Variants in C3 observed in about 807,000 individuals in gnomAD.
The protein encoded by C3 is C3 and PZP-like alpha-2-macroglobulin domain-containing protein 1.
C3 carries 97 observed loss-of-function variants against 207.9 expected under a neutral mutation model. The observed-to-expected ratio is 0.47, with a 90% CI of 0.40 to 0.55. The LOEUF (loss-of-function observed/expected upper bound fraction) is 0.55, where lower values mean the gene tolerates loss of function less well. Among genes scored for constraint, C3 ranks in the 20% least tolerant of loss-of-function variants. The pLI is 0.00. For missense variants in C3, 1,684 were observed against 2,171.7 expected (o/e 0.78, Z 4.46); for synonymous variants, 848 against 857.6 (o/e 0.99, Z 0.20).
chr19:6,680,056 G>A, intron 36 of C3, 102 bp downstream of exon 36: 1 of 770,646 alleles, frequency 1.3e-6, no homozygotes, highest in Non-Finnish European at 2.4e-6. Context: ...CAAATCCCTG[G>A]ACTCCTTAGA....
At position 6,716,113 on chromosome 19, in the gene C3, T is replaced by C. The variant is rs766301882; in HGVS notation, c.505-1667A>G. ...AATTTTTACATTTTTTTTGTAGAGA[T>C]GTAGTCTCCCTAGCTTTCCCAGGCT... On this transcript the variant is annotated intron_variant, in intron 4 of 40. Coordinates refer to ENST00000245907, the MANE Select transcript of C3 (RefSeq NM_000064.4). Among the ~76,000 whole-genome samples the C allele has an allele frequency of 2.0e-5, 3 of 152,306 alleles. No homozygotes were observed. In the South Asian group the frequency reaches 6.2e-4, roughly 32 times the overall value.
In C3 at chr19:6,720,602, G is replaced by C. The variant is rs1968141809; in HGVS notation, c.-13C>G. 1 of 1,567,634 alleles carries C rather than the reference G, an allele frequency of 6.4e-7. No individual in the cohort carries two copies. The highest frequency in any genetic ancestry group is 8.7e-7 in the Non-Finnish European group (1 of 1,154,164). On this transcript the variant is annotated 5_prime_UTR_variant, in exon 1 of 41. Coordinates refer to ENST00000245907, the MANE Select transcript of C3 (RefSeq NM_000064.4). ...AGGTGGGTCCCATGGTGCTGGGACAGTGCAGGGTCAGAGGGACAGAGGGAC... is the reference window on the plus strand; with the variant it reads ...AGGTGGGTCCCATGGTGCTGGGACACTGCAGGGTCAGAGGGACAGAGGGAC...
chr19:6,683,654 T>C (rs952019418), intron 33 of C3, among the ~76,000 whole-genome samples: 2 of 152,104 alleles, frequency 1.3e-5, no homozygotes, highest in African/African-American at 4.8e-5. Flanking sequence ...TGTTTCACCG[T>C]GTTAGCCAGG....
intron 38 of C3, 21 bp from the exon 39 acceptor site, chr19:6,678,476 G>A (rs762196772): frequency 6.2e-7 from 1 of 1,609,858 alleles, no homozygotes; most frequent in Non-Finnish European, 8.5e-7. Context: ...GAGGCAGACA[G>A]TTTGGGTGGT....
At chr19:6,686,020 G>T in intron 29 of C3, 104 bp downstream of exon 29, 1 of 1,156,948 alleles carries the variant, frequency 8.6e-7, no homozygotes, top group Non-Finnish European at 1.3e-6. Flanking sequence ...TGGCTCGTGG[G>T]AATGAAGAAC....
Position 6,684,973 on chromosome 19 carries a change from G to A in C3, c.3969+15C>T, listed in dbSNP as rs757611743. On this transcript the variant is annotated intron_variant, in intron 30 of 40. Transcript: ENST00000245907. ...AGACAGCCAGAGTGAGGAGGGCTTGGCTGGGTGACTGTACCTCTTCTGATC... is the reference window on the plus strand; with the variant it reads ...AGACAGCCAGAGTGAGGAGGGCTTGACTGGGTGACTGTACCTCTTCTGATC... 2 of 1,613,386 alleles carry A rather than the reference G, an allele frequency of 1.2e-6. No homozygotes were observed. Among genetic ancestry groups the A allele is most frequent in the South Asian group, 2.2e-5 (2 of 91,052 alleles).
intron 20 of C3, 32 bp downstream of exon 20, chr19:6,697,620 C>A: frequency 6.2e-7 from 1 of 1,613,990 alleles, no homozygotes; most frequent in Non-Finnish European, 8.5e-7. Flanking sequence ...CCCTGGCAGC[C>A]TCCAAGAAGC....
At chr19:6,700,492 TG>T (rs371846542) in intron 19 of C3, among the ~76,000 whole-genome samples, 2 of 33,076 alleles carry the variant, frequency 6.0e-5, no homozygotes, top group Non-Finnish European at 4.2e-5. Context: ...ATATGTAATA[TG>T]ATATATTATA....
chr19:6,677,864 G>T lies in C3; in HGVS notation c.*18C>A. On this transcript the variant is annotated 3_prime_UTR_variant, in exon 41 of 41. Transcript: ENST00000245907. ...ATATAACTGAAGCTTTATCTGGAGT[G>T]GGGGAATGGGGGTGTGGTCAGTTGG... 6.2e-7 allele frequency: 1 copy of T among 1,613,610 alleles called. No homozygotes were observed. The highest frequency in any genetic ancestry group is 1.1e-5 in the South Asian group (1 of 91,064).
chr19:6,710,101 G>C (rs1012374272), intron 13 of C3, among the ~76,000 whole-genome samples: 14 of 147,218 alleles, frequency 9.5e-5, no homozygotes, highest in African/African-American at 3.3e-4. Context: ...CGGAGAGACA[G>C]AGAGAGGGAG....
chr19:6,694,811 G>T (rs1034083977), intron 23 of C3, among the ~76,000 whole-genome samples, 177 bp from the exon 24 acceptor site: 1 of 152,270 alleles, frequency 6.6e-6, no homozygotes, highest in Non-Finnish European at 1.5e-5. Context: ...CTGTTCGGGG[G>T]TCTGCACTGT....
chr19:6,714,453 G>C lies in C3; in HGVS notation c.505-7C>G, dbSNP rs1037409670. The C allele has an allele frequency of 6.2e-7, 1 of 1,605,852 alleles. No homozygotes were observed. Among genetic ancestry groups the C allele is most frequent in the African/African-American group, 1.3e-5 (1 of 74,786 alleles). On this transcript the variant is annotated splice_polypyrimidine_tract_variant and splice_region_variant and intron_variant, in intron 4 of 40. Coordinates refer to ENST00000245907, the MANE Select transcript of C3 (RefSeq NM_000064.4). ...CCGGGATGCCTTCCGGGTTCTGTGG[G>C]AGGCAGGAGGGAAGGATAGAGGATA...
At position 6,710,813 on chromosome 19, in the gene C3, T is replaced by G; in HGVS notation, c.1512A>C (p.Gly504=). 6.2e-7 allele frequency: 1 copy of G among 1,613,862 alleles called. No homozygotes were observed. The highest frequency in any genetic ancestry group is 8.5e-7 in the Non-Finnish European group (1 of 1,179,990). ...IMNKGRLLKA[G]RQVREPGQDL... is the part of the protein sequence containing the mutation. Reference sequence around the variant, plus strand: ...CCTGGCCGGGCTCTCGCACCTGGCGTCCCGCCTTCAACAGCCTGCCCTTGT... The same window carrying G: ...CCTGGCCGGGCTCTCGCACCTGGCGGCCCGCCTTCAACAGCCTGCCCTTGT... Residue 504 remains glycine, a synonymous_variant, in exon 13 of 41, where the codon GGA becomes GGC. Coordinates refer to ENST00000245907, the MANE Select transcript of C3 (RefSeq NM_000064.4).
intron 35 of C3, among the ~76,000 whole-genome samples, chr19:6,681,093 C>G (rs1450775875): frequency 2.0e-5 from 3 of 151,866 alleles, no homozygotes; most frequent in Non-Finnish European, 4.4e-5. Context: ...GAAACAAGAA[C>G]AAAAATTCAG....
At chr19:6,714,138 G>A in intron 6 of C3, 28 bp downstream of exon 6, 3 of 1,607,946 alleles carry the variant, frequency 1.9e-6, no homozygotes, top group Non-Finnish European at 2.6e-6. Context: ...TCTGGGCACT[G>A]ACTCCCCCCA....
rs139693406 is a variant in C3 at position 6,707,855 on chromosome 19, G to A, written c.1920C>T (p.Ser640=). ...GSGKDYAGVF[S]DAGLTFTSSS... ...TGCTCGTGAAGGTCAGCCCTGCGTC[G>A]GAGAAGACACCGGCGTAATCCTTCC... Residue 640 remains serine, a synonymous_variant, in exon 15 of 41, where the codon TCC becomes TCT. Transcript: ENST00000245907. 2.2e-5 allele frequency: 35 copies of A among 1,613,830 alleles called. No individual in the cohort carries two copies. Among genetic ancestry groups the A allele is most frequent in the South Asian group, 7.7e-5 (7 of 91,080 alleles).
intron 4 of C3, chr19:6,716,692 CAT>C (rs1396357599): frequency 6.6e-6 from 1 of 152,192 alleles, no homozygotes; most frequent in Non-Finnish European, 1.5e-5. Context: ...CCTCAACAAA[CAT>C]AACAATTCCT....
intron 21 of C3, among the ~76,000 whole-genome samples, chr19:6,697,055 AAC>A (rs1967553023): frequency 2.3e-5 from 2 of 87,644 alleles, no homozygotes; most frequent in African/African-American, 9.2e-5. Flanking sequence ...AAAATAAACA[AAC>A]AAATAAATAA....
chr19:6,689,287 A>ACCCCACAGTCCCCCCCCCCCCCC (rs747719619), intron 27 of C3, among the ~76,000 whole-genome samples: 1 of 101,630 alleles, frequency 9.8e-6, no homozygotes, highest in Non-Finnish European at 2.0e-5. Flanking sequence ...GATTTGTCTG[A>ACCCCACAGTCCCCCCCCCCCCCC]CCCCACCTCT....
Sources: allele counts gnomAD v4.1 joint callset (sites outside exome capture counted in the v4.1 genomes callset), GRCh38; gene constraint gnomAD v4.1.1; transcripts MANE v1.5; gene names NCBI Gene and HGNC (gene_info 2026-07-23, HGNC 2026-07-21).